The following LY75 variants were observed in gnomAD, a reference collection of about 807,000 sequenced individuals.
The protein encoded by LY75 is lymphocyte antigen 75, also known as C-type lectin domain family 13 member B.
Under a neutral mutation model 231.7 loss-of-function variants are expected in LY75, and 185 were observed. That is an observed-to-expected ratio of 0.80 (90% CI 0.71 to 0.90). LY75 has a LOEUF of 0.90. Among genes scored for constraint, LY75 ranks in the 40% least tolerant of loss-of-function variants. The pLI is 0.00. For missense variants in LY75, 1,947 were observed against 2,050.2 expected, an observed-to-expected ratio of 0.95 and a Z score of 0.97; for synonymous variants, 668 against 689.0, an observed-to-expected ratio of 0.97 and a Z score of 0.48.
chr2:159,808,503 C>T lies in LY75; in HGVS notation c.4768G>A (p.Glu1590Lys). ...ENKFVSRLMR[E>K]NNNITMRVWL... ...ACTCTCATGGTAATGTTATTATTTT[C>T]CCTCATCAGTCTGCTCACAAATTTA... is the stretch of plus-strand genomic sequence containing the variant. The change falls in exon 33 of 35, where the codon GAA (glutamate) becomes AAA (lysine). Residue 1590 changes from glutamate (E) to lysine (K), a missense_variant. Physicochemically the swap from Glu to Lys is moderately conservative, Grantham distance 56. Coordinates refer to ENST00000263636, the MANE Select transcript of LY75 (RefSeq NM_002349.4). 1.2e-6 allele frequency: 2 copies of T among 1,613,904 alleles called. No homozygotes were observed. The highest frequency in any genetic ancestry group is 1.7e-6 in the Non-Finnish European group (2 of 1,179,974).
chr2:159,853,296 A>G lies in LY75; in HGVS notation c.2720T>C (p.Met907Thr), dbSNP rs1488701106. 1.2e-6 allele frequency: 2 copies of G among 1,613,356 alleles called. No individual in the cohort carries two copies. The highest frequency in any genetic ancestry group is 1.7e-5 in the Admixed American group (1 of 60,008). ...PVTFGEECLY[M>T]SAKTWLIDLG... ...ACCGATAAGCCAAGTCTTGGCAGAC[A>G]TGTACAAGCATTCCTCTCCAAATGT... The change falls in exon 20 of 35, where the codon ATG (methionine) becomes ACG (threonine). Residue 907 changes from methionine to threonine, a missense_variant. Met to Thr is a moderately conservative substitution (Grantham distance 81). Transcript: ENST00000263636.
At chr2:159,882,996 T>C (rs981785934) in intron 6 of LY75, among the ~76,000 whole-genome samples, 13 of 151,990 alleles carry the variant, frequency 8.6e-5, no homozygotes, top group African/African-American at 3.1e-4. Context: ...GAATGAAGTA[T>C]GAAACCCCAC....
At chr2:159,895,385 C>T (rs1030304521) in intron 2 of LY75, among the ~76,000 whole-genome samples, 5 of 152,144 alleles carry the variant, frequency 3.3e-5, no homozygotes, top group Admixed American at 1.3e-4. Context: ...ATCAAAACCC[C>T]CCAATAGCTC....
At position 159,835,764 on chromosome 2, in the gene LY75, A is replaced by G. The variant is rs1013971712; in HGVS notation, c.3508-119T>C. The G allele has an allele frequency of 1.0e-5, 13 of 1,286,782 alleles. No individual in the cohort carries two copies. In the East Asian group the frequency reaches 1.3e-4, roughly 13 times the overall value. The allele number at this position is 1,286,782 out of a possible 1,614,324, so 79.7% of individuals were successfully genotyped here. A position where few individuals can be genotyped will look rare whatever the true frequency, so the allele number is the denominator to read the frequency against. On this transcript the variant is annotated intron_variant, in intron 25 of 34. Transcript: ENST00000263636. The stretch of plus-strand genomic sequence containing the variant: ...TTTTTAATATTTAATACACATTTAC[A>G]TACCATTTACTACATAACAAGCATT...
At chr2:159,874,084 G>GTA (rs1158448574) in intron 12 of LY75, among the ~76,000 whole-genome samples, 10 of 6,464 alleles carry the variant, frequency 1.5e-3, no homozygotes, top group East Asian at 0.021. Context: ...ATATATAAAC[G>GTA]TATATATTTT....
chr2:159,814,670 A>AAAGAAAAGAT (rs1409163240), intron 31 of LY75, among the ~76,000 whole-genome samples: 1 of 151,006 alleles, frequency 6.6e-6, no homozygotes, highest in Non-Finnish European at 1.5e-5. Context: ...AAAAAAAGAA[A>AAAGAAAAGAT]AAGAAAAGAT....
chr2:159,858,252 A>T, intron 16 of LY75, 110 bp downstream of exon 16: 1 of 1,340,612 alleles, frequency 7.5e-7, no homozygotes, highest in Non-Finnish European at 1.0e-6. Flanking sequence ...TCATCATCAT[A>T]GGCTTTTAGA....
At position 159,882,329 on chromosome 2, in the gene LY75, A is replaced by G; in HGVS notation, c.1055-14T>C. On this transcript the variant is annotated splice_polypyrimidine_tract_variant and intron_variant, in intron 6 of 34. Coordinates refer to ENST00000263636, the MANE Select transcript of LY75 (RefSeq NM_002349.4). ...ATGTCCAGACATCTGGGGGAAAAGC[A>G]GCTATTTATATTCCAGTAAAGATAC... 6.2e-7 allele frequency: 1 copy of G among 1,610,310 alleles called. No individual in the cohort carries two copies. The highest frequency in any genetic ancestry group is 1.1e-5 in the South Asian group (1 of 90,438).
chr2:159,825,439 C>T (rs1013318370), intron 28 of LY75, among the ~76,000 whole-genome samples: 1 of 152,184 alleles, frequency 6.6e-6, no homozygotes, highest in African/African-American at 2.4e-5. Flanking sequence ...AAGCCAATAA[C>T]AAGTTCTGAA....
In LY75 at chr2:159,830,588, C is replaced by CTTTT. The variant is rs35004394; in HGVS notation, c.3958+1078_3958+1081dup. Among the ~76,000 whole-genome samples, 9 of 129,034 alleles carry CTTTT rather than the reference C, an allele frequency of 7.0e-5. 1 individual carries two copies. Among genetic ancestry groups the CTTTT allele is most frequent in the East Asian group, 4.5e-4 (2 of 4,450 alleles). The allele number at this position is 129,034 out of a possible 152,430, so 84.7% of individuals were successfully genotyped here. ...AGACCATGTGTCTCATTTTTCTATTCTTTTTTTTTTTTTTTTGAGATGGAG... is the reference window on the plus strand; with the variant it reads ...AGACCATGTGTCTCATTTTTCTATTCTTTTTTTTTTTTTTTTTTTTGAGATGGAG... On this transcript the variant is annotated intron_variant, in intron 28 of 34. Coordinates refer to ENST00000263636, the MANE Select transcript of LY75 (RefSeq NM_002349.4).
At chr2:159,900,087 A>G (rs1686029202) in intron 1 of LY75, among the ~76,000 whole-genome samples, 1 of 152,210 alleles carries the variant, frequency 6.6e-6, no homozygotes, top group African/African-American at 2.4e-5. Flanking sequence ...GTGGGTTTGG[A>G]CAATGGAAAA....
intron 13 of LY75, chr2:159,872,210 TTGC>T: frequency 2.7e-6 from 1 of 376,602 alleles, no homozygotes; most frequent in South Asian, 7.8e-5. Context: ...CTGCCATACA[TTGC>T]TGTTGGACTT....
chr2:159,888,218 T>C (rs1266211059), intron 4 of LY75, among the ~76,000 whole-genome samples: 1 of 152,138 alleles, frequency 6.6e-6, no homozygotes, highest in African/African-American at 2.4e-5. Context: ...GAGGGGTACG[T>C]AGTATAACAA....
At position 159,882,185 on chromosome 2, in the gene LY75, G is replaced by T. The variant is rs371670857; in HGVS notation, c.1185C>A (p.Asp395Glu). 5.6e-6 allele frequency: 9 copies of T among 1,613,876 alleles called. No homozygotes were observed. The African/African-American group carries it at 1.2e-4, about 22-fold the overall frequency. ...AHAKCKAFSS[D>E]LISIHSLADV... The stretch of plus-strand genomic sequence containing the variant: ...CTGCTAGAGAATGAATGCTGATTAG[G>T]TCACTACTGAAGGCTTTGCATTTCG... The change falls in exon 7 of 35, where the codon GAC becomes GAA. Residue 395 changes from aspartate (D) to glutamate (E), a missense_variant. Transcript: ENST00000263636.
chr2:159,867,885 T>C (rs1268788385), intron 13 of LY75, among the ~76,000 whole-genome samples: 3 of 152,198 alleles, frequency 2.0e-5, no homozygotes, highest in Non-Finnish European at 4.4e-5. Context: ...GCACCATGAA[T>C]CCTTTTCACT....
At chr2:159,830,003 A>C (rs1273376174) in intron 28 of LY75, among the ~76,000 whole-genome samples, 2 of 152,172 alleles carry the variant, frequency 1.3e-5, no homozygotes, top group African/African-American at 4.8e-5. Flanking sequence ...TTTCAGGTGA[A>C]GCCTCAGAAT....
At chr2:159,840,219 T>C (rs984951914) in intron 25 of LY75, among the ~76,000 whole-genome samples, 1 of 152,078 alleles carries the variant, frequency 6.6e-6, no homozygotes, top group Non-Finnish European at 1.5e-5. Context: ...AACCTTTTCC[T>C]CATTTAAACA....
In LY75 at chr2:159,817,073, T is replaced by C. The variant is rs1354137514; in HGVS notation, c.4154-41A>G. The C allele has an allele frequency of 6.0e-6, 9 of 1,510,084 alleles. No individual in the cohort carries two copies. In the East Asian group the frequency reaches 2.1e-4, roughly 36 times the overall value. 93.5% of individuals were successfully genotyped at this position (1,510,084 alleles called of 1,614,324 possible). ...GCACTGGTGATTAAAATTTAAATTATTTCAAATACATCTTTTGGATGAGAC... is the reference window on the plus strand; with the variant it reads ...GCACTGGTGATTAAAATTTAAATTACTTCAAATACATCTTTTGGATGAGAC... On this transcript the variant is annotated intron_variant, in intron 29 of 34. Transcript: ENST00000263636.
At chr2:159,868,915 G>C (rs1684929108) in intron 13 of LY75, among the ~76,000 whole-genome samples, 1 of 152,126 alleles carries the variant, frequency 6.6e-6, no homozygotes, top group African/African-American at 2.4e-5. Flanking sequence ...AGTATTGGTG[G>C]TGTATTTGAA....
Sources: gnomAD v4.1 joint callset for allele counts (sites outside exome capture counted in the v4.1 genomes callset) on GRCh38, gnomAD v4.1.1 for gene constraint, MANE v1.5 for transcripts, NCBI Gene and HGNC (gene_info 2026-07-23, HGNC 2026-07-21) for gene names.